ARID5B: variants seen among roughly 807,000 people sequenced by gnomAD.
ARID5B encodes the protein AT-rich interaction domain 5B, also known as AT-rich interactive domain-containing protein 5B.
Under a neutral mutation model 97.2 loss-of-function variants are expected in ARID5B, and 13 were observed. The observed-to-expected ratio is 0.13, with a 90% CI of 0.09 to 0.21. ARID5B has a LOEUF of 0.21. ARID5B is among the 10% of genes least tolerant of loss of function. The pLI, the probability that ARID5B is intolerant of heterozygous loss-of-function variation, is 1.00. For missense variants in ARID5B, 1,210 were observed against 1,465.3 expected, an observed-to-expected ratio of 0.83 and a Z score of 2.84; for synonymous variants, 556 against 570.3, an observed-to-expected ratio of 0.97 and a Z score of 0.36.
At chr10:61,935,984 G>A (rs1401285691) in intron 2 of ARID5B, among the ~76,000 whole-genome samples, 4 of 152,172 alleles carry the variant, frequency 2.6e-5, no homozygotes, top group African/African-American at 9.7e-5. Context: ...CTTGAAAGAG[G>A]ATGAGAGTGA....
At chr10:61,997,011 T>A (rs1263440123) in intron 3 of ARID5B, among the ~76,000 whole-genome samples, 1 of 152,046 alleles carries the variant, frequency 6.6e-6, no homozygotes, top group East Asian at 1.9e-4. Flanking sequence ...CTATTTGGGA[T>A]GCTTGTTGAA....
At chr10:61,906,975 G>A (rs1236845692) in intron 2 of ARID5B, among the ~76,000 whole-genome samples, 1 of 152,170 alleles carries the variant, frequency 6.6e-6, no homozygotes, top group Non-Finnish European at 1.5e-5. Context: ...TTCAATAATG[G>A]TTGACTGTTG....
intron 4 of ARID5B, among the ~76,000 whole-genome samples, chr10:62,045,439 G>T (rs1427782423): frequency 8.1e-6 from 1 of 124,086 alleles, no homozygotes; most frequent in Non-Finnish European, 1.7e-5. Context: ...GCTGAAACTT[G>T]CCAGGGTATT....
At chr10:62,080,942 T>A (rs988324044) in intron 8 of ARID5B, among the ~76,000 whole-genome samples, 1 of 152,070 alleles carries the variant, frequency 6.6e-6, no homozygotes, top group Non-Finnish European at 1.5e-5. Context: ...CCTGCCTCAG[T>A]TTCCCAAGTG....
At chr10:61,902,907 A>C (rs1843642245) in intron 2 of ARID5B, among the ~76,000 whole-genome samples, 1 of 152,184 alleles carries the variant, frequency 6.6e-6, no homozygotes, top group African/African-American at 2.4e-5. Flanking sequence ...AAATGGAGGC[A>C]GAATGAGATC....
intron 3 of ARID5B, among the ~76,000 whole-genome samples, chr10:61,999,439 G>A (rs1020237078): frequency 6.6e-6 from 1 of 152,156 alleles, no homozygotes; most frequent in African/African-American, 2.4e-5. Context: ...ATAGCCTACA[G>A]TTGGGCAAAA....
At chr10:61,921,050 G>A (rs1415457480) in intron 2 of ARID5B, among the ~76,000 whole-genome samples, 1 of 152,062 alleles carries the variant, frequency 6.6e-6, no homozygotes, top group Non-Finnish European at 1.5e-5. Flanking sequence ...CGTCAACTCT[G>A]CAGAAAATTA....
At chr10:61,984,115 A>AGCT (rs1838815510) in intron 3 of ARID5B, among the ~76,000 whole-genome samples, 1 of 152,156 alleles carries the variant, frequency 6.6e-6, no homozygotes, top group East Asian at 1.9e-4. Flanking sequence ...TCTTTTTCAG[A>AGCT]GCTGGGACAT....
chr10:61,943,821 C>T (rs970323720), intron 3 of ARID5B, among the ~76,000 whole-genome samples: 1 of 151,838 alleles, frequency 6.6e-6, no homozygotes, highest in Non-Finnish European at 1.5e-5. Context: ...CTCTGCCCCA[C>T]ATGGCAGCTT....
chr10:61,943,951 T>A (rs1225756808), intron 3 of ARID5B, among the ~76,000 whole-genome samples: 1 of 152,190 alleles, frequency 6.6e-6, no homozygotes, highest in East Asian at 1.9e-4. Flanking sequence ...TAAAACTCTC[T>A]AGAGTTTTCA....
chr10:62,013,842 G>A (rs947329186), intron 4 of ARID5B, among the ~76,000 whole-genome samples: 3 of 145,296 alleles, frequency 2.1e-5, no homozygotes, highest in African/African-American at 7.5e-5. Context: ...TAATTTTTAT[G>A]GATATATAAT....
At chr10:62,053,482 C>T (rs1487932534) in intron 5 of ARID5B, among the ~76,000 whole-genome samples, 1 of 152,188 alleles carries the variant, frequency 6.6e-6, no homozygotes, top group Admixed American at 6.5e-5. Flanking sequence ...CCAAAGACAG[C>T]AAGTGTCACG....
At position 62,000,085 on chromosome 10, in the gene ARID5B, G is replaced by A; in HGVS notation, c.503-6G>A. On this transcript the variant is annotated splice_polypyrimidine_tract_variant and splice_region_variant and intron_variant, in intron 3 of 9. Transcript: ENST00000279873. The surrounding 1 kb of genome is among the most constrained non-coding windows in gnomAD (Gnocchi z 4.4). ...GGGTAATGGAAGTGTTTTCTCGTTT[G>A]TCTAGGGGAGGACGAGGAAGAAACG... The A allele has an allele frequency of 6.2e-7, 1 of 1,613,680 alleles. No individual in the cohort carries two copies. The highest frequency in any genetic ancestry group is 8.5e-7 in the Non-Finnish European group (1 of 1,179,650).
intron 3 of ARID5B, among the ~76,000 whole-genome samples, chr10:61,990,904 G>T (rs1337541401): frequency 6.6e-6 from 1 of 151,930 alleles, no homozygotes; most frequent in African/African-American, 2.4e-5. Context: ...TTAAGCAATA[G>T]CTCTCCATTC....
At chr10:61,950,144 A>C (rs2132810233) in intron 3 of ARID5B, among the ~76,000 whole-genome samples, 2 of 152,242 alleles carry the variant, frequency 1.3e-5, no homozygotes, top group Middle Eastern at 6.8e-3. Flanking sequence ...AGTAGCTGGG[A>C]TTACAGACAT....
chr10:61,981,089 T>C (rs148680413), intron 3 of ARID5B, among the ~76,000 whole-genome samples: 2 of 152,234 alleles, frequency 1.3e-5, no homozygotes, highest in Non-Finnish European at 1.5e-5. Flanking sequence ...GGTTGCTTAA[T>C]CTCTCTAAGC....
rs1004668550 is a variant in ARID5B, at chr10:62,026,508, A to G, written c.734-24380A>G. Among the ~76,000 whole-genome samples, 12 of 152,202 alleles carry G rather than the reference A, an allele frequency of 7.9e-5. No individual in the cohort carries two copies. The East Asian group carries it at 2.3e-3, about 29-fold the overall frequency. Reference sequence around the variant, plus strand: ...TAAGCAATTGTAACAGTATTTAAGTACTCCAATAGAGCTAAATGAATCCTT... The same window carrying G: ...TAAGCAATTGTAACAGTATTTAAGTGCTCCAATAGAGCTAAATGAATCCTT... On this transcript the variant is annotated intron_variant, in intron 4 of 9. Coordinates refer to ENST00000279873, the MANE Select transcript of ARID5B (RefSeq NM_032199.3).
chr10:62,055,392 G>A (rs757725453), intron 5 of ARID5B, among the ~76,000 whole-genome samples: 7 of 152,014 alleles, frequency 4.6e-5, no homozygotes, highest in South Asian at 4.2e-4. Context: ...TACCTCATTC[G>A]GGTTTTAAGT....
At chr10:62,033,816 T>G (rs1193301255) in intron 4 of ARID5B, among the ~76,000 whole-genome samples, 1 of 152,250 alleles carries the variant, frequency 6.6e-6, no homozygotes. Flanking sequence ...AAGATGGGCA[T>G]ATAATTCTCT....
Sources: allele counts gnomAD v4.1 joint callset (sites outside exome capture counted in the v4.1 genomes callset), GRCh38; gene constraint gnomAD v4.1.1; non-coding constraint Gnocchi (gnomAD v3.1); transcripts MANE v1.5; gene names NCBI Gene and HGNC (gene_info 2026-07-23, HGNC 2026-07-21).